The following ANK3 variants were observed in gnomAD, a reference collection of about 807,000 sequenced individuals.
The protein encoded by ANK3 is ankyrin-3.
Under a neutral mutation model 370.9 loss-of-function variants are expected in ANK3, and 57 were observed. The observed-to-expected ratio is 0.15, with a 90% CI of 0.12 to 0.19. The LOEUF is 0.19. ANK3 is among the 10% of genes least tolerant of loss of function. ANK3 has a pLI of 1.00. For missense variants in ANK3, 4,439 were observed against 5,302.1 expected (o/e 0.84, Z 5.06); for synonymous variants, 1,929 against 1,946.3 (o/e 0.99, Z 0.23).
Position 60,071,471 on chromosome 10 carries a change from T to C in ANK3, c.9410A>G (p.Gln3137Arg). The C allele has an allele frequency of 6.2e-7, 1 of 1,613,930 alleles. No individual in the cohort carries two copies. The change falls in exon 37 of 44, where the codon CAG (glutamine) becomes CGG (arginine). Residue 3137 changes from glutamine to arginine, a missense_variant. By Grantham distance (43) the Gln-to-Arg change is conservative. Transcript: ENST00000280772. ...ETRGTFYTTR[Q>R]QKQPPSPQGS... ...TTGGGGAGAAGGAGGTTGCTTTTGC[T>C]GTCTAGTTGTATAAAAGGTCCCCCT... is the stretch of plus-strand genomic sequence containing the variant.
intron 8 of ANK3, among the ~76,000 whole-genome samples, chr10:60,228,038 G>T (rs1386932561): frequency 6.6e-6 from 1 of 152,110 alleles, no homozygotes; most frequent in Admixed American, 6.5e-5. Context: ...CCAGCAGAAG[G>T]CTTAGTCCAA....
intron 7 of ANK3, among the ~76,000 whole-genome samples, chr10:60,261,253 C>T (rs532227228): frequency 6.6e-6 from 1 of 152,128 alleles, no homozygotes; most frequent in African/African-American, 2.4e-5. Context: ...AGCTGAACAC[C>T]AGTTTTTAAA....
intron 11 of ANK3, among the ~76,000 whole-genome samples, chr10:60,205,169 G>C (rs2096742357): frequency 6.6e-6 from 1 of 152,128 alleles, no homozygotes; most frequent in South Asian, 2.1e-4. Context: ...TTCTGAGTTG[G>C]TTCCTATGAG....
At position 60,629,274 on chromosome 10, in the gene ANK3, T is replaced by C. The variant is rs551036374; in HGVS notation, c.58-14050A>G. Among the ~76,000 whole-genome samples the C allele has an allele frequency of 2.0e-5, 3 of 152,320 alleles. No individual in the cohort carries two copies. In the South Asian group the frequency reaches 6.2e-4, roughly 32 times the overall value. Reference sequence around the variant, plus strand: ...CATTTAAGGCAATTTAAATTTTTAGTATCTCCAGAGACCAAGTTAAATGGC... The same window carrying C: ...CATTTAAGGCAATTTAAATTTTTAGCATCTCCAGAGACCAAGTTAAATGGC... On this transcript the variant is annotated intron_variant, in intron 1 of 43. Coordinates refer to the ANK3 transcript ENST00000373827.
intron 1 of ANK3, among the ~76,000 whole-genome samples, chr10:60,692,200 A>G (rs938183433): frequency 6.6e-6 from 1 of 152,222 alleles, no homozygotes; most frequent in African/African-American, 2.4e-5. Context: ...TTGTGAAGAC[A>G]ATATCAAATC....
intron 2 of ANK3, among the ~76,000 whole-genome samples, chr10:60,492,706 C>CAAAAAAAAA (rs764367710): frequency 8.7e-5 from 5 of 57,502 alleles, no homozygotes; most frequent in Non-Finnish European, 1.6e-4. Flanking sequence ...GACTCTGTCT[C>CAAAAAAAAA]AAAAAAAAAA....
intron 1 of ANK3, among the ~76,000 whole-genome samples, chr10:60,708,522 C>A (rs1282080044): frequency 6.6e-6 from 1 of 152,132 alleles, no homozygotes; most frequent in Non-Finnish European, 1.5e-5. Flanking sequence ...GAAGAAAACC[C>A]CTCTCACGAG....
chr10:60,044,438 G>A, intron 42 of ANK3: 1 of 690,408 alleles, frequency 1.4e-6, no homozygotes, highest in Non-Finnish European at 1.8e-6. Context: ...TGGAATTTTA[G>A]AGAAATAAGT....
rs914937555 is a variant in ANK3, at chr10:60,232,596, G to C, written c.897+2092C>G. ...CCTCTCCAGTAAGACAGTCATTTAG[G>C]GGTCGGCCTTCCTTTCTTCCCTTTT... On this transcript the variant is annotated intron_variant, in intron 8 of 43. Transcript: ENST00000280772. 2.0e-5 allele frequency among the ~76,000 whole-genome samples: 3 copies of C among 152,068 alleles called. 1 individual carries two copies. Among genetic ancestry groups the C allele is most frequent in the Non-Finnish European group, 4.4e-5 (3 of 68,020 alleles).
chr10:60,543,263 T>C (rs2076890483), intron 2 of ANK3, among the ~76,000 whole-genome samples: 1 of 152,022 alleles, frequency 6.6e-6, no homozygotes, highest in African/African-American at 2.4e-5. Context: ...GCAATATCTA[T>C]AAATTTAGAG....
chr10:60,617,258 T>C (rs2078279157), intron 1 of ANK3, among the ~76,000 whole-genome samples: 1 of 152,182 alleles, frequency 6.6e-6, no homozygotes, highest in Non-Finnish European at 1.5e-5. Context: ...ATCAATTAAA[T>C]AGCTACTTAT....
intron 2 of ANK3, among the ~76,000 whole-genome samples, chr10:60,607,465 C>G (rs1319951329): frequency 6.6e-6 from 1 of 152,120 alleles, no homozygotes; most frequent in Non-Finnish European, 1.5e-5. Flanking sequence ...ATACCTTAAT[C>G]ATTGCAAAAG....
chr10:60,644,098 A>G (rs572142168), intron 1 of ANK3, among the ~76,000 whole-genome samples: 1 of 152,280 alleles, frequency 6.6e-6, no homozygotes, highest in South Asian at 2.1e-4. Context: ...CCAGACTAAT[A>G]GTAAATGAGT....
intron 1 of ANK3, among the ~76,000 whole-genome samples, chr10:60,307,504 T>G (rs1028748184): frequency 1.3e-5 from 2 of 151,964 alleles, no homozygotes; most frequent in Admixed American, 6.6e-5. Context: ...GGCTATTTTT[T>G]TTTTTTTTAA....
chr10:60,518,989 C>T (rs1006439580), intron 2 of ANK3, among the ~76,000 whole-genome samples: 1 of 152,126 alleles, frequency 6.6e-6, no homozygotes, highest in Non-Finnish European at 1.5e-5. Context: ...TTCCTTCTGC[C>T]TTAGGGATGA....
rs988844629 is a variant in ANK3 at position 60,573,036 on chromosome 10, C to A, written c.96+42150G>T. The A allele has an allele frequency of 3.0e-6, 3 of 986,236 alleles. No individual in the cohort carries two copies. The East Asian group carries it at 3.4e-4, about 112-fold the overall frequency. 61.1% of individuals were successfully genotyped at this position (986,236 alleles called of 1,614,324 possible). On this transcript the variant is annotated intron_variant, in intron 2 of 43. Transcript: ENST00000373827. ...GGGAAGCTGAATGTAAATTGCTCTC[C>A]GTGCTGCTAGCCTCCCATACTAACA...
At chr10:60,318,485 C>T (rs1433332111) in intron 1 of ANK3, among the ~76,000 whole-genome samples, 1 of 152,192 alleles carries the variant, frequency 6.6e-6, no homozygotes. Context: ...CAACAGAGCT[C>T]TGACTTACTG....
In ANK3 at chr10:60,548,220, T is replaced by A. The variant is rs1250206891; in HGVS notation, c.96+66966A>T. On this transcript the variant is annotated intron_variant, in intron 2 of 43. Transcript: ENST00000373827. ...TTAAATATTTCCTTTTTTTTTTTTT[T>A]TTTTTTTTTTTTTTGAGACAAGTCT... Among the ~76,000 whole-genome samples, 13 of 139,148 alleles carry A rather than the reference T, an allele frequency of 9.3e-5. No individual in the cohort carries two copies. In the South Asian group the frequency reaches 3.2e-3, roughly 34 times the overall value. 91.3% of individuals were successfully genotyped at this position (139,148 alleles called of 152,430 possible).
chr10:60,290,191 C>G (rs1156306757), intron 1 of ANK3, among the ~76,000 whole-genome samples: 1 of 152,196 alleles, frequency 6.6e-6, no homozygotes, highest in Non-Finnish European at 1.5e-5. Flanking sequence ...AATCTGCCGT[C>G]TGTCAGTAAA....
Sources: allele counts gnomAD v4.1 joint callset (sites outside exome capture counted in the v4.1 genomes callset), GRCh38; gene constraint gnomAD v4.1.1; transcripts MANE v1.5; gene names NCBI Gene and HGNC (gene_info 2026-07-23, HGNC 2026-07-21).